Variants in PRKCB observed in about 807,000 individuals in gnomAD.
PRKCB encodes protein kinase C beta, also known as protein kinase C beta type.
PRKCB carries 13 observed loss-of-function variants against 81.5 expected under a neutral mutation model. The observed-to-expected ratio is 0.16, with a 90% CI of 0.10 to 0.25. The LOEUF (loss-of-function observed/expected upper bound fraction) is 0.25. PRKCB is among the 10% of genes least tolerant of loss of function. The pLI, the probability that PRKCB is intolerant of heterozygous loss-of-function variation, is 1.00. For missense variants in PRKCB, 509 were observed against 875.7 expected (o/e 0.58, Z 5.29); for synonymous variants, 335 against 321.4 (o/e 1.04, Z -0.45).
intron 5 of PRKCB, 46 bp downstream of exon 5, chr16:24,035,593 G>A: frequency 2.7e-6 from 4 of 1,498,526 alleles, no homozygotes; most frequent in Non-Finnish European, 2.7e-6. Context: ...TGCTTGACCT[G>A]TGTGATTGAG....
At chr16:23,978,334 C>T (rs1388499857) in intron 2 of PRKCB, among the ~76,000 whole-genome samples, 1 of 152,178 alleles carries the variant, frequency 6.6e-6, no homozygotes, top group African/African-American at 2.4e-5. Context: ...ATCACTCAGT[C>T]ACAGGCCTAG....
intron 5 of PRKCB, among the ~76,000 whole-genome samples, chr16:24,036,052 G>A (rs1319608501): frequency 6.6e-6 from 1 of 152,064 alleles, no homozygotes; most frequent in Non-Finnish European, 1.5e-5. Context: ...GCAATTCAGG[G>A]GCTTTCCACA....
chr16:24,188,439 G>A (rs999576736), intron 15 of PRKCB, among the ~76,000 whole-genome samples: 5 of 152,160 alleles, frequency 3.3e-5, no homozygotes, highest in Non-Finnish European at 5.9e-5. Context: ...CAGAGACTCC[G>A]AATTAATGCT....
chr16:24,030,337 C>A (rs897131501), intron 3 of PRKCB, among the ~76,000 whole-genome samples: 2 of 143,612 alleles, frequency 1.4e-5, no homozygotes, highest in African/African-American at 5.0e-5. Flanking sequence ...TGTTTGGGAG[C>A]GGGGGTGCGC....
Position 24,214,765 on chromosome 16 carries a change from A to G in PRKCB, c.1971A>G (p.Glu657=). The G allele has an allele frequency of 6.2e-7, 1 of 1,614,176 alleles. No individual in the cohort carries two copies. The highest frequency in any genetic ancestry group is 8.5e-7 in the Non-Finnish European group (1 of 1,180,000). ...GGAATATTGACCAATCAGAATTCGAAGGATTTTCCTTTGTTAACTCTGAAT... is the reference window on the plus strand; with the variant it reads ...GGAATATTGACCAATCAGAATTCGAGGGATTTTCCTTTGTTAACTCTGAAT... ...VIRNIDQSEF[E]GFSFVNSEFL... Residue 657 remains glutamate (E), a synonymous_variant, in exon 17 of 17, where the codon GAA becomes GAG. Coordinates refer to ENST00000643927, the MANE Select transcript of PRKCB (RefSeq NM_002738.7).
chr16:24,086,220 C>A (rs976645564), intron 5 of PRKCB, among the ~76,000 whole-genome samples: 1 of 152,090 alleles, frequency 6.6e-6, no homozygotes, highest in African/African-American at 2.4e-5. Context: ...GGACACAAAT[C>A]TAGATTGTAG....
intron 3 of PRKCB, among the ~76,000 whole-genome samples, chr16:24,029,381 G>C (rs570398171): frequency 6.6e-6 from 1 of 152,308 alleles, no homozygotes; most frequent in East Asian, 1.9e-4. Flanking sequence ...CACACGATCT[G>C]ATGGTTTTAT....
intron 7 of PRKCB, among the ~76,000 whole-genome samples, chr16:24,103,133 A>G (rs572328273): frequency 1.5e-4 from 23 of 152,312 alleles, no homozygotes; most frequent in Admixed American, 1.3e-3. Flanking sequence ...TCGGCCTCCC[A>G]AAGTGTTGGG....
Position 24,214,697 on chromosome 16 carries a change from C to T in PRKCB, c.1903C>T (p.Arg635Cys), listed in dbSNP as rs752139446. Residue 635 changes from arginine to cysteine, a missense_variant, in exon 17 of 17, where the codon CGC becomes TGC. By Grantham distance (180) the Arg-to-Cys change is radical. Transcript: ENST00000643927. ...TGAAAACTTCGACCGATTTTTCACC[C>T]GCCATCCACCAGTCCTAACACCTCC... ...NAENFDRFFT[R>C]HPPVLTPPDQ... is the part of the protein sequence containing the mutation. 2.5e-6 allele frequency: 4 copies of T among 1,613,994 alleles called. No homozygotes were observed. Among genetic ancestry groups the T allele is most frequent in the African/African-American group, 2.7e-5 (2 of 74,890 alleles).
At chr16:23,909,763 A>G (rs1963621355) in intron 2 of PRKCB, among the ~76,000 whole-genome samples, 1 of 152,096 alleles carries the variant, frequency 6.6e-6, no homozygotes, top group Admixed American at 6.6e-5. Context: ...TTCCTTCCAC[A>G]TTGCTGCAAA....
At chr16:23,864,709 A>G (rs8063402) in intron 2 of PRKCB, among the ~76,000 whole-genome samples, 86,574 of 151,526 alleles carry the variant, frequency 0.57, 24,933 homozygotes, top group Admixed American at 0.64. Context: ...TCTCACGACC[A>G]GGGCCTCTGA....
intron 3 of PRKCB, 59 bp from the exon 4 acceptor site, chr16:24,032,077 A>T: frequency 8.0e-7 from 1 of 1,250,354 alleles, no homozygotes; most frequent in Non-Finnish European, 1.2e-6. Flanking sequence ...TCGATGTAGG[A>T]TGAACCGTTG....
intron 10 of PRKCB, among the ~76,000 whole-genome samples, chr16:24,169,918 A>G (rs1041865667): frequency 1.3e-5 from 2 of 152,092 alleles, no homozygotes; most frequent in Non-Finnish European, 2.9e-5. Flanking sequence ...CTGGGACTAC[A>G]GGCGCACACC....
chr16:24,186,084 GAC>G (rs1484504359), intron 15 of PRKCB, among the ~76,000 whole-genome samples: 2 of 152,166 alleles, frequency 1.3e-5, no homozygotes, highest in African/African-American at 2.4e-5. Flanking sequence ...CCTCTCCCCA[GAC>G]ACACACACAA....
rs78240516 is a variant in PRKCB, at chr16:23,890,550, A to G, written c.205+53144A>G. Among the ~76,000 whole-genome samples the G allele has an allele frequency of 8.2e-3, 1,250 of 152,280 alleles. 19 individuals are homozygous for G. Among genetic ancestry groups the G allele is most frequent in the African/African-American group, 0.029 (1,187 of 41,546 alleles). ...AGACTTAGGAGCCTGGTCACTTCCA[A>G]CCGGGCTTTTCATCTTTGTGACTCC... On this transcript the variant is annotated intron_variant, in intron 2 of 16. Coordinates refer to ENST00000643927, the MANE Select transcript of PRKCB (RefSeq NM_002738.7).
At chr16:24,166,928 G>GCGAT (rs1967356264) in intron 10 of PRKCB, among the ~76,000 whole-genome samples, 2 of 152,170 alleles carry the variant, frequency 1.3e-5, no homozygotes, top group South Asian at 4.2e-4. Flanking sequence ...CTACAGTGGA[G>GCGAT]CGATCCCCTG....
intron 3 of PRKCB, among the ~76,000 whole-genome samples, chr16:24,028,652 T>C (rs1965513295): frequency 1.3e-5 from 2 of 152,280 alleles, no homozygotes; most frequent in South Asian, 2.1e-4. Flanking sequence ...CATGTGTCAA[T>C]AGTTCATTCC....
chr16:24,082,881 T>C (rs1442655702), intron 5 of PRKCB, among the ~76,000 whole-genome samples: 1 of 152,184 alleles, frequency 6.6e-6, no homozygotes, highest in South Asian at 2.1e-4. Context: ...TTAAAAACTT[T>C]TATTTTGCAA....
chr16:24,119,638 G>A (rs1321878961), intron 8 of PRKCB, among the ~76,000 whole-genome samples: 2 of 152,100 alleles, frequency 1.3e-5, no homozygotes, highest in Admixed American at 6.5e-5. Context: ...TTTGGGTCAG[G>A]CCAGCTTGGG....
Sources: gnomAD v4.1 joint callset for allele counts (sites outside exome capture counted in the v4.1 genomes callset) on GRCh38, gnomAD v4.1.1 for gene constraint, MANE v1.5 for transcripts, NCBI Gene and HGNC (gene_info 2026-07-23, HGNC 2026-07-21) for gene names.